The following MAPK3 variants were observed in gnomAD, a reference collection of about 807,000 sequenced individuals.
MAPK3 encodes the protein MAPK 1.
Under a neutral mutation model 41.8 loss-of-function variants are expected in MAPK3, and 30 were observed. That is an observed-to-expected ratio of 0.72 (90% confidence interval 0.54 to 0.97). The LOEUF (loss-of-function observed/expected upper bound fraction) is 0.97, where lower values mean the gene tolerates loss of function less well. Ranked by LOEUF, MAPK3 falls within the 50% of genes least tolerant of loss-of-function variation. MAPK3 has a pLI of 0.00. For missense variants in MAPK3, 413 were observed against 509.9 expected (o/e 0.81, Z 1.83); for synonymous variants, 222 against 213.4 (o/e 1.04, Z -0.35).
chr16:30,119,017 C>T (rs1172616153), intron 2 of MAPK3, among the ~76,000 whole-genome samples: 1 of 152,112 alleles, frequency 6.6e-6, no homozygotes, highest in Admixed American at 6.5e-5. Flanking sequence ...CGGCATGTGC[C>T]TGTAATCCCA....
chr16:30,118,990 A>G (rs1018866550), intron 2 of MAPK3, among the ~76,000 whole-genome samples: 1 of 151,938 alleles, frequency 6.6e-6, no homozygotes, highest in African/African-American at 2.4e-5. Flanking sequence ...AAAAATAGCA[A>G]AATTAACTGG....
At chr16:30,116,280 C>T (rs1000919414) in intron 8 of MAPK3, among the ~76,000 whole-genome samples, 1 of 152,194 alleles carries the variant, frequency 6.6e-6, no homozygotes, top group African/African-American at 2.4e-5. Flanking sequence ...CTCAGGTGAT[C>T]CACTTGCCTC....
At chr16:30,120,943 C>G (rs1004787323) in intron 2 of MAPK3, among the ~76,000 whole-genome samples, 2 of 151,738 alleles carry the variant, frequency 1.3e-5, no homozygotes, top group Non-Finnish European at 2.9e-5. Context: ...CTTAGCCTCC[C>G]AAAGTGTTGG....
At position 30,121,906 on chromosome 16, in the gene MAPK3, TCTGGATC is replaced by T; in HGVS notation, c.264_270del (p.Ile89SerfsTer25). On this transcript the variant is annotated frameshift_variant, in exon 2 of 9. Coordinates refer to ENST00000263025, the MANE Select transcript of MAPK3 (RefSeq NM_002746.3). LOFTEE classifies it high-confidence loss of function. ...TTCTCATGGCGGAAGCGCAGCAGGA[TCTGGATC>T]TCCCGGAGCGTGCGCTGGCAGTAGG... The T allele has an allele frequency of 6.2e-7, 1 of 1,614,098 alleles. No individual in the cohort carries two copies. The highest frequency in any genetic ancestry group is 8.5e-7 in the Non-Finnish European group (1 of 1,179,988).
rs567374741 is a variant in MAPK3 at position 30,122,653 on chromosome 16, A to G, written c.170+387T>C. The G allele has an allele frequency of 1.7e-5, 3 of 173,590 alleles. No homozygotes were observed. The Admixed American group carries it at 1.8e-4, about 10-fold the overall frequency. The allele number at this position is 173,590 out of a possible 1,614,324, so 10.8% of individuals were successfully genotyped here. Reference sequence around the variant, plus strand: ...TCCCTGGCACTGCCTCACAGGGGGAATCCAAGACACCCTTTCCCCCAAAAC... The same window carrying G: ...TCCCTGGCACTGCCTCACAGGGGGAGTCCAAGACACCCTTTCCCCCAAAAC... On this transcript the variant is annotated intron_variant, in intron 1 of 8. Transcript: ENST00000263025.
intron 2 of MAPK3, among the ~76,000 whole-genome samples, chr16:30,119,171 A>C (rs1054857165): frequency 1.3e-5 from 2 of 150,270 alleles, no homozygotes; most frequent in Non-Finnish European, 3.0e-5. Flanking sequence ...AAAAAAAAAA[A>C]CCTACAAAAA....
At chr16:30,121,802 G>T in intron 2 of MAPK3, 22 bp downstream of exon 2, 2 of 1,607,784 alleles carry the variant, frequency 1.2e-6, no homozygotes, top group South Asian at 1.1e-5. Context: ...CTGACCAGCC[G>T]ACTGGCCAAG....
At chr16:30,115,554 T>C (rs569266735) in intron 8 of MAPK3, 1 of 152,538 alleles carries the variant, frequency 6.6e-6, no homozygotes, top group African/African-American at 2.4e-5. Flanking sequence ...CCCCACCTGC[T>C]TCTGCCACAC....
Position 30,118,344 on chromosome 16 carries a change from C to A in MAPK3, c.543+5G>T. 2 of 1,609,662 alleles carry A rather than the reference C, an allele frequency of 1.2e-6. No homozygotes were observed. Among genetic ancestry groups the A allele is most frequent in the Non-Finnish European group, 1.7e-6 (2 of 1,177,416 alleles). On this transcript the variant is annotated splice_donor_5th_base_variant and intron_variant, in intron 3 of 8. Coordinates refer to ENST00000263025, the MANE Select transcript of MAPK3 (RefSeq NM_002746.3). The stretch of plus-strand genomic sequence containing the variant: ...GAGGAGGGGACAGGTGCCCAACCCT[C>A]TGACCTTAAGGTCGCAGGTGGTGTT...
chr16:30,118,640 G>A (rs1331864416), intron 2 of MAPK3, 102 bp from the exon 3 acceptor site: 19 of 916,532 alleles, frequency 2.1e-5, no homozygotes, highest in Non-Finnish European at 3.1e-5. Context: ...CCTCCAGCCA[G>A]GGCCCCTGGG....
intron 2 of MAPK3, among the ~76,000 whole-genome samples, 160 bp from the exon 3 acceptor site, chr16:30,118,698 C>T (rs965749558): frequency 2.0e-5 from 3 of 152,132 alleles, no homozygotes; most frequent in African/African-American, 4.8e-5. Context: ...AAGCTGCTGC[C>T]ATTACCCAGC....
chr16:30,122,090 G>C, intron 1 of MAPK3, 84 bp from the exon 2 acceptor site: 3 of 1,324,086 alleles, frequency 2.3e-6, no homozygotes, highest in Non-Finnish European at 3.2e-6. Flanking sequence ...CCTTGGCAGG[G>C]AGGGGAGAGA....
chr16:30,119,287 TG>T (rs2072992897), intron 2 of MAPK3, among the ~76,000 whole-genome samples: 4 of 152,074 alleles, frequency 2.6e-5, no homozygotes, highest in Admixed American at 2.0e-4. Context: ...TCATCTGGTA[TG>T]TAGGGGAAAT....
Position 30,117,661 on chromosome 16 carries a change from C to T in MAPK3, c.775+9G>A, listed in dbSNP as rs1410587490. The T allele has an allele frequency of 6.2e-7, 1 of 1,610,286 alleles. No individual in the cohort carries two copies. The highest frequency in any genetic ancestry group is 1.1e-5 in the South Asian group (1 of 90,982). On this transcript the variant is annotated intron_variant, in intron 5 of 8. Transcript: ENST00000263025. The stretch of plus-strand genomic sequence containing the variant: ...TCATCCCCAACTCAGCCAGCCGGGC[C>T]TCCCTCACCCAGAATGTGGTTGAGC...
rs755251449 is a variant in MAPK3, at chr16:30,123,080, G to A, written c.130C>T (p.Gln44Ter). 5 of 1,570,818 alleles carry A rather than the reference G, an allele frequency of 3.2e-6. No homozygotes were observed. The Admixed American group carries it at 9.0e-5, about 28-fold the overall frequency. Residue 44 changes from glutamine (Q) to a stop codon, truncating the protein, a stop_gained, in exon 1 of 9, where the codon CAG becomes TAG. Coordinates refer to ENST00000263025, the MANE Select transcript of MAPK3 (RefSeq NM_002746.3). LOFTEE classifies it high-confidence loss of function. ...GCGCCCTCGCCGATGTACTGCAACT[G>A]CGTGTAGCGCGGGCCCACGTCGAAC... ...QPFDVGPRYT[Q>*]LQYIGEGAYG...
chr16:30,122,975 T>C, intron 1 of MAPK3, 65 bp downstream of exon 1: 2 of 1,265,902 alleles, frequency 1.6e-6, no homozygotes, highest in Non-Finnish European at 2.1e-6. Flanking sequence ...GCTCGGCGCC[T>C]CCTCCTCCTC....
In MAPK3 at chr16:30,117,238, T is replaced by C. The variant is rs2072966240; in HGVS notation, c.823A>G (p.Met275Val). Reference sequence around the variant, plus strand: ...GACTGTAGGTAGTTTCGGGCCTTCATGTTGATGATACAATTCAGGTCCTCC... The same window carrying C: ...GACTGTAGGTAGTTTCGGGCCTTCACGTTGATGATACAATTCAGGTCCTCC... Reference protein sequence around the residue: ...SQEDLNCIINMKARNYLQSLP... With the variant: ...SQEDLNCIINVKARNYLQSLP... Residue 275 changes from methionine to valine, a missense_variant, in exon 6 of 9, where the codon ATG (methionine) becomes GTG (valine). By Grantham distance (21) the Met-to-Val change is conservative (BLOSUM62 1). This residue lies in a region of MAPK3 where 123 missense variants were observed against 147.8 expected (regional missense o/e 0.83). Transcript: ENST00000263025. The C allele has an allele frequency of 6.2e-7, 1 of 1,613,964 alleles. No homozygotes were observed. Among genetic ancestry groups the C allele is most frequent in the Admixed American group, 1.7e-5 (1 of 59,998 alleles).
In MAPK3 at chr16:30,122,014, G is replaced by A. The variant is rs374387900; in HGVS notation, c.171-8C>T. The stretch of plus-strand genomic sequence containing the variant: ...ACGTGGTCATAGGCCGAGCTGAGGG[G>A]ACCGGAGAGAGGCTGCTGCTGTGGC... On this transcript the variant is annotated splice_region_variant and splice_polypyrimidine_tract_variant and intron_variant, in intron 1 of 8. Transcript: ENST00000263025. The A allele has an allele frequency of 1.9e-4, 303 of 1,613,810 alleles. 1 individual carries two copies. The highest frequency in any genetic ancestry group is 2.4e-4 in the Non-Finnish European group (282 of 1,179,998).
chr16:30,122,553 C>T (rs2073027206), intron 1 of MAPK3: 1 of 176,314 alleles, frequency 5.7e-6, no homozygotes, highest in Non-Finnish European at 1.2e-5. Flanking sequence ...CTGGCCGCCT[C>T]ATCTCTCTCT....
Sources: gnomAD v4.1 joint callset for allele counts (sites outside exome capture counted in the v4.1 genomes callset) on GRCh38, gnomAD v4.1.1 for gene constraint, gnomAD v4.1.1 regional missense constraint, MANE v1.5 for transcripts, NCBI Gene and HGNC (gene_info 2026-07-23, HGNC 2026-07-21) for gene names.